RBMS3: variants seen among roughly 807,000 people sequenced by gnomAD.
The protein encoded by RBMS3 is RNA-binding motif, single-stranded-interacting protein 3.
RBMS3 carries 27 observed loss-of-function variants against 66.8 expected under a neutral mutation model. The ratio of observed to expected loss-of-function variants is 0.40; its 90% CI spans 0.30 to 0.56. The LOEUF (loss-of-function observed/expected upper bound fraction) is 0.56, where lower values mean the gene tolerates loss of function less well. Ranked by LOEUF, RBMS3 falls within the 20% of genes least tolerant of loss-of-function variation. The probability of loss-of-function intolerance (pLI) is 0.40; values close to 1 mark genes in which losing one functional copy is unlikely to be tolerated. For synonymous variants in RBMS3, 188 were observed against 183.0 expected (o/e 1.03, Z -0.22); for missense variants, 513 against 549.5 (o/e 0.93, Z 0.66).
At chr3:29,908,105 G>A (rs1381122705) in intron 10 of RBMS3, among the ~76,000 whole-genome samples, 1 of 151,904 alleles carries the variant, frequency 6.6e-6, no homozygotes, top group African/African-American at 2.4e-5. Flanking sequence ...AAAAAAATTA[G>A]CCAGGCATGG....
Position 29,482,697 on chromosome 3 carries a change from C to CTTTTTTTTTTTTTT in RBMS3, c.249-5741_249-5740insTTTTTTTTTTTTTT, listed in dbSNP as rs1216159878. 1.2e-3 allele frequency among the ~76,000 whole-genome samples: 111 copies of CTTTTTTTTTTTTTT among 92,880 alleles called. 5 individuals are homozygous for CTTTTTTTTTTTTTT. Among genetic ancestry groups the CTTTTTTTTTTTTTT allele is most frequent in the East Asian group, 2.1e-3 (6 of 2,912 alleles). The allele number at this position is 92,880 out of a possible 152,430, so 60.9% of individuals were successfully genotyped here. On this transcript the variant is annotated intron_variant, in intron 2 of 14. Coordinates refer to ENST00000383767, the MANE Select transcript of RBMS3 (RefSeq NM_001003793.3). ...ACACAGTCTACCATTTTCTTTCTTT[C>CTTTTTTTTTTTTTT]TTTCTTTTTTTTTTTTTTTTTTTTT...
chr3:29,863,264 T>A (rs1274544465), intron 6 of RBMS3, among the ~76,000 whole-genome samples: 1 of 151,118 alleles, frequency 6.6e-6, no homozygotes, highest in African/African-American at 2.4e-5. Flanking sequence ...ATACACCTAA[T>A]GTAAATGACG....
chr3:30,001,829 G>A (rs954614486), intron 14 of RBMS3, among the ~76,000 whole-genome samples: 2 of 150,170 alleles, frequency 1.3e-5, no homozygotes, highest in African/African-American at 2.5e-5. Context: ...TTTCTAAAAT[G>A]TCCAACTTAA....
At chr3:29,397,881 A>G (rs2039628250) in intron 1 of RBMS3, among the ~76,000 whole-genome samples, 1 of 152,162 alleles carries the variant, frequency 6.6e-6, no homozygotes, top group Non-Finnish European at 1.5e-5. Flanking sequence ...AGTGAGCTGC[A>G]GACAGGTGAT....
intron 6 of RBMS3, among the ~76,000 whole-genome samples, chr3:29,843,555 A>G (rs751509393): frequency 3.9e-5 from 6 of 152,242 alleles, no homozygotes; most frequent in Non-Finnish European, 7.3e-5. Flanking sequence ...ATGACATACA[A>G]AAAATGTATC....
At chr3:29,904,925 G>A (rs1315263662) in intron 10 of RBMS3, among the ~76,000 whole-genome samples, 1 of 151,954 alleles carries the variant, frequency 6.6e-6, no homozygotes, top group East Asian at 1.9e-4. Flanking sequence ...TCTTATTACA[G>A]TTAGTAAGTT....
intron 6 of RBMS3, among the ~76,000 whole-genome samples, chr3:29,845,644 CAG>C (rs2058758761): frequency 6.6e-6 from 1 of 152,026 alleles, no homozygotes; most frequent in Admixed American, 6.5e-5. Context: ...CTAGAGGTAA[CAG>C]ATAAACAATG....
intron 6 of RBMS3, 29 bp from the exon 7 acceptor site, chr3:29,868,829 A>G: frequency 6.5e-7 from 1 of 1,539,056 alleles, no homozygotes; most frequent in East Asian, 2.3e-5. Flanking sequence ...GGGAGTTGTT[A>G]ATGTAGAATT....
chr3:29,861,165 A>G (rs752725286), intron 6 of RBMS3, among the ~76,000 whole-genome samples: 55 of 152,156 alleles, frequency 3.6e-4, no homozygotes, highest in Non-Finnish European at 2.9e-5. Context: ...CTTTAAAGGT[A>G]GCTCCTGGAT....
intron 3 of RBMS3, among the ~76,000 whole-genome samples, chr3:29,490,951 T>C (rs2043519974): frequency 1.3e-5 from 2 of 152,130 alleles, no homozygotes; most frequent in Admixed American, 6.6e-5. Context: ...CCTGGAAACC[T>C]CAATAGATAG....
chr3:29,956,949 A>G (rs1446356605), intron 12 of RBMS3, among the ~76,000 whole-genome samples: 1 of 152,030 alleles, frequency 6.6e-6, no homozygotes, highest in Non-Finnish European at 1.5e-5. Flanking sequence ...AACTGCTTTC[A>G]GTTTCTGGGA....
intron 12 of RBMS3, among the ~76,000 whole-genome samples, chr3:29,954,041 G>T (rs1471918043): frequency 4.6e-5 from 7 of 151,526 alleles, no homozygotes; most frequent in East Asian, 1.9e-4. Flanking sequence ...AGCATTGATT[G>T]CCCTCTATCC....
At chr3:29,403,175 C>T (rs547486573) in intron 1 of RBMS3, among the ~76,000 whole-genome samples, 2 of 151,910 alleles carry the variant, frequency 1.3e-5, no homozygotes, top group African/African-American at 4.8e-5. Flanking sequence ...CTTCTAATTT[C>T]CTATAGTTCA....
At chr3:29,668,949 G>A (rs928034791) in intron 4 of RBMS3, among the ~76,000 whole-genome samples, 1 of 152,220 alleles carries the variant, frequency 6.6e-6, no homozygotes, top group East Asian at 1.9e-4. Context: ...GGATGCCATT[G>A]TACCCCATCA....
intron 12 of RBMS3, among the ~76,000 whole-genome samples, chr3:29,949,234 G>T (rs1308240542): frequency 6.6e-6 from 1 of 151,220 alleles, no homozygotes; most frequent in Non-Finnish European, 1.5e-5. Flanking sequence ...GATGGGATAG[G>T]TGGGTGTAAA....
chr3:29,283,468 C>CGA (rs1485157131), intron 1 of RBMS3, among the ~76,000 whole-genome samples: 1 of 151,494 alleles, frequency 6.6e-6, no homozygotes, highest in African/African-American at 2.4e-5. Context: ...AAAGTGTGTG[C>CGA]GAGAGAGAGA....
chr3:29,520,178 G>A (rs6779445), intron 3 of RBMS3, among the ~76,000 whole-genome samples: 24,504 of 152,058 alleles, frequency 0.16, 2,561 homozygotes, highest in East Asian at 0.47. Flanking sequence ...GCACTTAAAT[G>A]TGCTTAGTCC....
intron 3 of RBMS3, among the ~76,000 whole-genome samples, chr3:29,585,688 T>C (rs1404758694): frequency 6.6e-6 from 1 of 152,146 alleles, no homozygotes; most frequent in Non-Finnish European, 1.5e-5. Flanking sequence ...TCTTGACTAT[T>C]ACTTCCACTT....
chr3:29,829,932 G>C (rs530839666), intron 6 of RBMS3, among the ~76,000 whole-genome samples: 2 of 151,910 alleles, frequency 1.3e-5, no homozygotes, highest in Non-Finnish European at 2.9e-5. Context: ...TTATTATGTC[G>C]CTTCCTGTCC....
Sources: gnomAD v4.1 joint callset for allele counts (sites outside exome capture counted in the v4.1 genomes callset) on GRCh38, gnomAD v4.1.1 for gene constraint, MANE v1.5 for transcripts, NCBI Gene and HGNC (gene_info 2026-07-23, HGNC 2026-07-21) for gene names.